The following FBXL7 variants were observed in gnomAD, a reference collection of about 807,000 sequenced individuals.
FBXL7 encodes the protein F-box and leucine rich repeat protein 7.
In FBXL7, 12 loss-of-function variants were observed where a neutral mutation model predicts 38.3. The ratio of observed to expected loss-of-function variants is 0.31; its 90% CI spans 0.20 to 0.51. The LOEUF (loss-of-function observed/expected upper bound fraction) is 0.51, where lower values mean the gene tolerates loss of function less well. FBXL7 is among the 20% of genes least tolerant of loss of function. The pLI is 0.98. For missense variants in FBXL7, 567 were observed against 676.4 expected (o/e 0.84, Z 1.79); for synonymous variants, 297 against 300.9 (o/e 0.99, Z 0.13).
At chr5:15,833,876 C>G (rs368657364) in intron 2 of FBXL7, among the ~76,000 whole-genome samples, 3 of 152,228 alleles carry the variant, frequency 2.0e-5, no homozygotes, top group East Asian at 1.9e-4. Flanking sequence ...ACTACTTTGA[C>G]AAAAATAAGC....
intron 1 of FBXL7, among the ~76,000 whole-genome samples, chr5:15,601,439 ATC>A (rs1229191898): frequency 6.6e-6 from 1 of 152,188 alleles, no homozygotes; most frequent in Admixed American, 6.5e-5. Context: ...GTGAAGCACC[ATC>A]TGTCAGCAGC....
chr5:15,721,312 T>G (rs1280834362), intron 2 of FBXL7, among the ~76,000 whole-genome samples: 1 of 152,162 alleles, frequency 6.6e-6, no homozygotes, highest in African/African-American at 2.4e-5. Flanking sequence ...GGCCTTTGAT[T>G]TACAGAGATC....
At chr5:15,669,084 C>A (rs1330392357) in intron 2 of FBXL7, among the ~76,000 whole-genome samples, 1 of 152,138 alleles carries the variant, frequency 6.6e-6, no homozygotes, top group East Asian at 1.9e-4. Flanking sequence ...GCTTCAAAAT[C>A]CAGGTCTCTG....
At position 15,640,708 on chromosome 5, in the gene FBXL7, G is replaced by T. The variant is rs138332037; in HGVS notation, c.127+24636G>T. Among the ~76,000 whole-genome samples the T allele has an allele frequency of 6.6e-5, 10 of 152,204 alleles. No homozygotes were observed. In the East Asian group the frequency reaches 1.9e-3, roughly 29 times the overall value. On this transcript the variant is annotated intron_variant, in intron 2 of 3. Transcript: ENST00000504595. Reference sequence around the variant, plus strand: ...CCGGCTAATTTTTGTGTTTTTAATAGAGATGGGATTTCACCCTTTTGGCCA... The same window carrying T: ...CCGGCTAATTTTTGTGTTTTTAATATAGATGGGATTTCACCCTTTTGGCCA...
intron 2 of FBXL7, among the ~76,000 whole-genome samples, chr5:15,887,293 T>C (rs1374957745): frequency 6.6e-6 from 1 of 152,100 alleles, no homozygotes; most frequent in Non-Finnish European, 1.5e-5. Flanking sequence ...GCTCTGGGAA[T>C]TTCTTGAGGG....
chr5:15,659,140 C>G (rs1404373622), intron 2 of FBXL7, among the ~76,000 whole-genome samples: 1 of 152,096 alleles, frequency 6.6e-6, no homozygotes, highest in Non-Finnish European at 1.5e-5. Context: ...GGAGAACGGA[C>G]TGATACACTG....
intron 2 of FBXL7, among the ~76,000 whole-genome samples, chr5:15,754,473 C>T (rs1239955699): frequency 1.3e-5 from 2 of 152,116 alleles, no homozygotes; most frequent in African/African-American, 2.4e-5. Flanking sequence ...TTTGGTTGGA[C>T]TGATGAGATC....
chr5:15,594,008 A>G (rs192798093), intron 1 of FBXL7, among the ~76,000 whole-genome samples: 4 of 152,350 alleles, frequency 2.6e-5, no homozygotes, highest in Admixed American at 2.6e-4. Flanking sequence ...ATGGTTCAAC[A>G]TTATACTAAA....
At chr5:15,846,756 CAG>C (rs1447999759) in intron 2 of FBXL7, among the ~76,000 whole-genome samples, 2 of 151,968 alleles carry the variant, frequency 1.3e-5, no homozygotes, top group East Asian at 3.9e-4. Flanking sequence ...ATAGTTGTAA[CAG>C]ATGAAAAAAG....
intron 1 of FBXL7, among the ~76,000 whole-genome samples, chr5:15,522,507 T>C (rs1420991957): frequency 6.6e-6 from 1 of 152,192 alleles, no homozygotes; most frequent in Non-Finnish European, 1.5e-5. Flanking sequence ...ACCTCTCTAA[T>C]GTGAAGTTTT....
intron 1 of FBXL7, among the ~76,000 whole-genome samples, chr5:15,557,853 G>C (rs937923210): frequency 6.6e-6 from 1 of 152,194 alleles, no homozygotes; most frequent in Non-Finnish European, 1.5e-5. Flanking sequence ...CTGGTGAAAA[G>C]TGCTTGTATT....
intron 2 of FBXL7, among the ~76,000 whole-genome samples, chr5:15,778,206 A>T (rs1319662920): frequency 2.6e-5 from 4 of 152,044 alleles, no homozygotes; most frequent in Non-Finnish European, 2.9e-5. Context: ...GGCTGTTTCT[A>T]CTTAAAGTCC....
rs2896212 is a variant in FBXL7 at position 15,507,882 on chromosome 5, A to G, written c.37+7169A>G. ...ACGTGGTGAAACCCGGTGTCTACTA[A>G]AAATACAAAAATTAGCCGGGTGTGG... On this transcript the variant is annotated intron_variant, in intron 1 of 3. Coordinates refer to ENST00000504595, the MANE Select transcript of FBXL7 (RefSeq NM_012304.5). Among the ~76,000 whole-genome samples, 941 of 152,128 alleles carry G rather than the reference A, an allele frequency of 6.2e-3. 13 individuals are homozygous for G. The highest frequency in any genetic ancestry group is 0.021 in the African/African-American group (888 of 41,500).
intron 2 of FBXL7, among the ~76,000 whole-genome samples, chr5:15,646,782 G>C (rs550226165): frequency 6.6e-6 from 1 of 152,146 alleles, no homozygotes; most frequent in Non-Finnish European, 1.5e-5. Context: ...TATGAGTCTC[G>C]GAGATTTAGA....
intron 2 of FBXL7, among the ~76,000 whole-genome samples, chr5:15,900,746 A>T (rs1741214926): frequency 6.6e-6 from 1 of 152,206 alleles, no homozygotes; most frequent in African/African-American, 2.4e-5. Context: ...TCTGAAATGT[A>T]AACGGTTTGG....
In FBXL7 at chr5:15,722,930, C is replaced by CAAAAAAAAAAAA. The variant is rs1554017097; in HGVS notation, c.127+106869_127+106870insAAAAAAAAAAAA. Among the ~76,000 whole-genome samples the CAAAAAAAAAAAA allele has an allele frequency of 4.3e-3, 605 of 141,952 alleles. 1 individual carries two copies. The highest frequency in any genetic ancestry group is 0.015 in the African/African-American group (570 of 37,996). 93.1% of individuals were successfully genotyped at this position (141,952 alleles called of 152,430 possible). A position where few individuals can be genotyped will look rare whatever the true frequency, so the allele number is the denominator to read the frequency against. On this transcript the variant is annotated intron_variant, in intron 2 of 3. Transcript: ENST00000504595. ...GAGCAAGACTCCGTCTCAAAAAAAA[C>CAAAAAAAAAAAA]AAAAAAAAAAAGAGAGAAGAGAAAA...
chr5:15,513,742 T>G (rs541111222), intron 1 of FBXL7, among the ~76,000 whole-genome samples: 5 of 152,346 alleles, frequency 3.3e-5, no homozygotes, highest in African/African-American at 7.2e-5. Context: ...GATCAACAGC[T>G]GCTCCGCTGG....
chr5:15,764,016 AAGCCC>A (rs1736521384), intron 2 of FBXL7, among the ~76,000 whole-genome samples: 1 of 152,204 alleles, frequency 6.6e-6, no homozygotes, highest in Non-Finnish European at 1.5e-5. Flanking sequence ...CTGCTGGTGT[AAGCCC>A]CAGAGCCTGA....
chr5:15,702,885 A>G (rs899927295), intron 2 of FBXL7, among the ~76,000 whole-genome samples: 26 of 152,014 alleles, frequency 1.7e-4, no homozygotes, highest in Admixed American at 3.9e-4. Context: ...AGATTTGGGT[A>G]GGTAAAGGAA....
Sources: gnomAD v4.1 joint callset for allele counts (sites outside exome capture counted in the v4.1 genomes callset) on GRCh38, gnomAD v4.1.1 for gene constraint, MANE v1.5 for transcripts, NCBI Gene and HGNC (gene_info 2026-07-23, HGNC 2026-07-21) for gene names.